Variants in CSF1 observed in about 807,000 individuals in gnomAD.
The protein encoded by CSF1 is macrophage colony-stimulating factor 1.
In CSF1, 9 loss-of-function variants were observed where a neutral mutation model predicts 48.9. The ratio of observed to expected loss-of-function variants is 0.18; its 90% CI spans 0.11 to 0.32. CSF1 has a LOEUF of 0.32. Among genes scored for constraint, CSF1 ranks in the 10% least tolerant of loss-of-function variants. The probability of loss-of-function intolerance (pLI) is 1.00; values close to 1 mark genes in which losing one functional copy is unlikely to be tolerated. For missense variants in CSF1, 672 were observed against 697.9 expected (o/e 0.96, Z 0.42); for synonymous variants, 305 against 284.1 (o/e 1.07, Z -0.74).
At chr1:109,919,775 A>G (rs1223902108) in intron 4 of CSF1, among the ~76,000 whole-genome samples, 1 of 151,946 alleles carries the variant, frequency 6.6e-6, no homozygotes. Context: ...CCTGCCCAAC[A>G]GGGCGAAACC....
chr1:109,913,007 C>T (rs961336802), intron 1 of CSF1, among the ~76,000 whole-genome samples: 1 of 152,230 alleles, frequency 6.6e-6, no homozygotes, highest in Non-Finnish European at 1.5e-5. Context: ...TTCTCCCCAT[C>T]TTTCAAGGCC....
chr1:109,923,929 C>T lies in CSF1; in HGVS notation c.1308C>T (p.Pro436=), dbSNP rs151241389. The stretch of plus-strand genomic sequence containing the variant: ...GCCACTCCTCGGGCAGCGTGCTGCC[C>T]CTTGGGGAGCTGGAGGGCAGGAGGA... The part of the protein sequence containing the change: ...SRSHSSGSVL[P]LGELEGRRST... Residue 436 remains proline (P), a synonymous_variant, in exon 6 of 9, where the codon CCC becomes CCT. Coordinates refer to ENST00000329608, the MANE Select transcript of CSF1 (RefSeq NM_000757.6). 3.6e-4 allele frequency: 575 copies of T among 1,614,080 alleles called. 2 individuals are homozygous for T. Among genetic ancestry groups the T allele is most frequent in the Non-Finnish European group, 4.6e-4 (538 of 1,180,004 alleles).
chr1:109,925,490 C>T lies in CSF1; in HGVS notation c.*13+288C>T, dbSNP rs557451785. On this transcript the variant is annotated intron_variant, in intron 8 of 8. Coordinates refer to ENST00000329608, the MANE Select transcript of CSF1 (RefSeq NM_000757.6). ...CACCTGTGACCTCAGAGCAACTAAA[C>T]CCCCCTTTTTCAAATGTGGCCTTTA... is the stretch of plus-strand genomic sequence containing the variant. 1.9e-4 allele frequency among the ~76,000 whole-genome samples: 29 copies of T among 152,256 alleles called. No individual in the cohort carries two copies. In the South Asian group the frequency reaches 5.4e-3, roughly 28 times the overall value.
chr1:109,916,652 C>T (rs974035890), intron 3 of CSF1, among the ~76,000 whole-genome samples: 9 of 152,206 alleles, frequency 5.9e-5, no homozygotes, highest in Admixed American at 5.9e-4. Flanking sequence ...CTTCCACACA[C>T]CTGACCCATA....
Position 109,924,799 on chromosome 1 carries a change from G to T in CSF1, c.1593G>T (p.Ala531=), listed in dbSNP as rs376460825. 14 of 1,602,306 alleles carry T rather than the reference G, an allele frequency of 8.7e-6. No homozygotes were observed. In the African/African-American group the frequency reaches 1.5e-4, roughly 17 times the overall value. ...RRRSHQEPQR[A]DSPLEQPEGS... ...AGAGCCATCAAGAGCCTCAGAGAGC[G>T]GATTCTCCCTTGGAGCAACCAGAGG... The change falls in exon 7 of 9, where the codon GCG becomes GCT. Residue 531 remains alanine, a synonymous_variant. Transcript: ENST00000329608.
At chr1:109,919,250 T>TAA (rs1647400033) in intron 4 of CSF1, among the ~76,000 whole-genome samples, 2 of 152,132 alleles carry the variant, frequency 1.3e-5, no homozygotes, top group Admixed American at 6.5e-5. Flanking sequence ...TTTGTTGTCG[T>TAA]TGTTTTGAGA....
chr1:109,917,809 G>A (rs1570792074), intron 4 of CSF1, among the ~76,000 whole-genome samples: 1 of 152,184 alleles, frequency 6.6e-6, no homozygotes, highest in African/African-American at 2.4e-5. Flanking sequence ...TGTCTGTTGT[G>A]TACCAGACAC....
intron 4 of CSF1, among the ~76,000 whole-genome samples, chr1:109,917,901 TA>T (rs1647317954): frequency 1.3e-5 from 2 of 152,308 alleles, no homozygotes; most frequent in African/African-American, 4.8e-5. Flanking sequence ...GGGGTGACGG[TA>T]GTGGTGGTGA....
chr1:109,911,070 AC>A lies in CSF1; in HGVS notation c.39+9del. 9.3e-7 allele frequency: 1 copy of A among 1,080,944 alleles called. No individual in the cohort carries two copies. The highest frequency in any genetic ancestry group is 1.1e-6 in the Non-Finnish European group (1 of 893,282). 67.0% of individuals were successfully genotyped at this position (1,080,944 alleles called of 1,614,324 possible). On this transcript the variant is annotated intron_variant, in intron 1 of 8. Coordinates refer to ENST00000329608, the MANE Select transcript of CSF1 (RefSeq NM_000757.6). ...GGGCGCTGCCCTCCCACGGTAAGCG[AC>A]GGCCGCGGCGCTGGGCCCGGGACGG... is the stretch of plus-strand genomic sequence containing the variant.
At chr1:109,921,470 C>T (rs566596652) in intron 4 of CSF1, among the ~76,000 whole-genome samples, 1 of 152,276 alleles carries the variant, frequency 6.6e-6, no homozygotes, top group East Asian at 1.9e-4. Flanking sequence ...TGTTTAGTTC[C>T]CCTTGTTGCA....
intron 4 of CSF1, among the ~76,000 whole-genome samples, chr1:109,918,702 A>G (rs930425311): frequency 2.0e-5 from 3 of 152,142 alleles, no homozygotes; most frequent in African/African-American, 7.2e-5. Flanking sequence ...TGGGCAGAGC[A>G]GGTTTGAGGG....
At chr1:109,911,136 C>T in intron 1 of CSF1, 74 bp downstream of exon 1, 2 of 917,906 alleles carry the variant, frequency 2.2e-6, no homozygotes, top group Non-Finnish European at 2.6e-6. Flanking sequence ...CCGGGAGCGG[C>T]CCCTCGGAGC....
chr1:109,913,257 C>T (rs903119044), intron 1 of CSF1, among the ~76,000 whole-genome samples: 1 of 152,240 alleles, frequency 6.6e-6, no homozygotes, highest in Non-Finnish European at 1.5e-5. Flanking sequence ...CTTCACCCTA[C>T]CCTGCCAGCA....
intron 8 of CSF1, 26 bp from the exon 9 acceptor site, chr1:109,928,826 G>A (rs2101660622): frequency 6.5e-6 from 1 of 152,906 alleles, no homozygotes; most frequent in African/African-American, 2.4e-5. Context: ...CCACTCTGCT[G>A]ACTAGCCTTT....
At position 109,923,485 on chromosome 1, in the gene CSF1, C is replaced by A; in HGVS notation, c.864C>A (p.Asn288Lys). 2 of 1,614,162 alleles carry A rather than the reference C, an allele frequency of 1.2e-6. No homozygotes were observed. Among genetic ancestry groups the A allele is most frequent in the Non-Finnish European group, 1.7e-6 (2 of 1,180,008 alleles). Residue 288 changes from asparagine (N) to lysine (K), a missense_variant, in exon 6 of 9, where the codon AAC becomes AAA. Physicochemically the swap from Asn to Lys is moderately conservative, Grantham distance 94. This residue lies in a region of CSF1 where 591 missense variants were observed against 593.6 expected (regional missense o/e 1.00). Coordinates refer to ENST00000329608, the MANE Select transcript of CSF1 (RefSeq NM_000757.6). ...PQPRPSVGAF[N>K]PGMEDILDSA... is the part of the protein sequence containing the mutation. ...CTCGCCCCTCTGTCGGGGCCTTCAACCCCGGGATGGAGGATATTCTTGACT... is the reference window on the plus strand; with the variant it reads ...CTCGCCCCTCTGTCGGGGCCTTCAAACCCGGGATGGAGGATATTCTTGACT...
At chr1:109,925,009 C>A in intron 7 of CSF1, 138 bp from the exon 8 acceptor site, 1 of 1,049,600 alleles carries the variant, frequency 9.5e-7, no homozygotes, top group Non-Finnish European at 1.5e-6. Flanking sequence ...CTGATTTCTC[C>A]GTAGAGTTAG....
At chr1:109,926,308 C>T (rs1647839021) in intron 8 of CSF1, 1 of 152,234 alleles carries the variant, frequency 6.6e-6, no homozygotes, top group African/African-American at 2.4e-5. Context: ...ACCCCTAGTT[C>T]CATTTCCCAT....
intron 2 of CSF1, 60 bp from the exon 3 acceptor site, chr1:109,915,574 G>A: frequency 2.8e-6 from 4 of 1,438,970 alleles, no homozygotes; most frequent in Non-Finnish European, 9.8e-7. Flanking sequence ...TTTGAAGAAG[G>A]CTGAAGGCTG....
At chr1:109,921,781 A>G (rs556686021) in intron 4 of CSF1, 66 bp from the exon 5 acceptor site, 536 of 1,465,904 alleles carry the variant, frequency 3.7e-4, no homozygotes, top group Non-Finnish European at 4.6e-4. Context: ...AGGGAATTTG[A>G]CAAATAAGAT....
Sources: allele counts gnomAD v4.1 joint callset (sites outside exome capture counted in the v4.1 genomes callset), GRCh38; gene constraint gnomAD v4.1.1; regional missense constraint gnomAD v4.1.1; transcripts MANE v1.5; gene names NCBI Gene and HGNC (gene_info 2026-07-23, HGNC 2026-07-21).